Variants in ZNF385D observed in about 807,000 individuals in gnomAD.
ZNF385D encodes the protein zinc finger protein 385D.
In ZNF385D, 15 loss-of-function variants were observed where a neutral mutation model predicts 35.8. The ratio of observed to expected loss-of-function variants is 0.42; its 90% CI spans 0.28 to 0.64. The LOEUF is 0.64. Ranked by LOEUF, ZNF385D falls within the 30% of genes least tolerant of loss-of-function variation. ZNF385D has a pLI of 0.23. For missense variants in ZNF385D, 474 were observed against 494.6 expected (o/e 0.96, Z 0.39); for synonymous variants, 212 against 186.8 (o/e 1.13, Z -1.10).
chr3:22,160,649 A>T (rs1705886782), intron 3 of ZNF385D, among the ~76,000 whole-genome samples: 1 of 152,152 alleles, frequency 6.6e-6, no homozygotes, highest in Admixed American at 6.6e-5. Flanking sequence ...TAATGCTAGC[A>T]GCAAAGATAA....
chr3:21,813,274 G>C (rs1004952662), intron 3 of ZNF385D, among the ~76,000 whole-genome samples: 1 of 152,164 alleles, frequency 6.6e-6, no homozygotes, highest in Non-Finnish European at 1.5e-5. Flanking sequence ...AAAATTCTAA[G>C]AATCAGAGCA....
At chr3:21,823,724 T>C (rs1055524582) in intron 3 of ZNF385D, among the ~76,000 whole-genome samples, 1 of 152,164 alleles carries the variant, frequency 6.6e-6, no homozygotes, top group Non-Finnish European at 1.5e-5. Flanking sequence ...AGAAGGTATG[T>C]TTCCAAAGAA....
Position 21,413,736 on chromosome 3 carries a change from A to C in ZNF385D, c.*7478T>G, listed in dbSNP as rs1273016346. 1.3e-5 allele frequency: 2 copies of C among 152,096 alleles called. No homozygotes were observed. The highest frequency in any genetic ancestry group is 2.9e-5 in the Non-Finnish European group (2 of 67,990). 9.4% of individuals were successfully genotyped at this position (152,096 alleles called of 1,614,324 possible). The stretch of plus-strand genomic sequence containing the variant: ...AAACCATAGTCTATTTTTAATTTCA[A>C]AATAGTGCTCATGTTTGTGAACATT... On this transcript the variant is annotated 3_prime_UTR_variant, in exon 8 of 8. Coordinates refer to ENST00000281523, the MANE Select transcript of ZNF385D (RefSeq NM_024697.3).
chr3:21,709,656 T>A (rs2068030951), intron 1 of ZNF385D, among the ~76,000 whole-genome samples: 1 of 152,124 alleles, frequency 6.6e-6, no homozygotes. Flanking sequence ...CACATACTAG[T>A]TTTAGCAGAA....
intron 2 of ZNF385D, among the ~76,000 whole-genome samples, chr3:22,260,165 A>G (rs1209464274): frequency 6.6e-6 from 1 of 152,066 alleles, no homozygotes; most frequent in Non-Finnish European, 1.5e-5. Flanking sequence ...AACTGAAATA[A>G]TATTCTAATT....
At chr3:22,248,560 C>T (rs932576112) in intron 2 of ZNF385D, among the ~76,000 whole-genome samples, 5 of 145,288 alleles carry the variant, frequency 3.4e-5, no homozygotes, top group Admixed American at 6.9e-5. Flanking sequence ...ATTGACATTA[C>T]TTTTCAGGAG....
At chr3:21,558,691 G>C (rs1356420454) in intron 3 of ZNF385D, among the ~76,000 whole-genome samples, 1 of 151,832 alleles carries the variant, frequency 6.6e-6, no homozygotes, top group Non-Finnish European at 1.5e-5. Flanking sequence ...GCTGAGTTCT[G>C]AATATCTTTG....
intron 3 of ZNF385D, among the ~76,000 whole-genome samples, chr3:21,928,326 A>G (rs542457168): frequency 9.7e-5 from 13 of 134,510 alleles, no homozygotes; most frequent in Admixed American, 5.2e-4. Flanking sequence ...GGAGGAAGGA[A>G]GGAAGGAGGG....
At chr3:22,364,704 G>T (rs925003074) in intron 2 of ZNF385D, among the ~76,000 whole-genome samples, 1 of 152,088 alleles carries the variant, frequency 6.6e-6, no homozygotes, top group Admixed American at 6.6e-5. Context: ...CTAAGTATTA[G>T]AAGTATTATG....
At chr3:21,996,492 T>G (rs2125405616) in intron 3 of ZNF385D, among the ~76,000 whole-genome samples, 1 of 152,278 alleles carries the variant, frequency 6.6e-6, no homozygotes, top group South Asian at 2.1e-4. Context: ...TCCTTCTTTG[T>G]GGAAGAAATA....
chr3:21,970,173 C>T (rs571982), intron 3 of ZNF385D, among the ~76,000 whole-genome samples: 87,784 of 151,872 alleles, frequency 0.58, 27,023 homozygotes, highest in African/African-American at 0.81. Context: ...ACCAATAACA[C>T]TGACAAGCAT....
chr3:22,140,674 A>T (rs1331881096), intron 3 of ZNF385D, among the ~76,000 whole-genome samples: 1 of 152,086 alleles, frequency 6.6e-6, no homozygotes, highest in African/African-American at 2.4e-5. Flanking sequence ...GTACATGAAA[A>T]CTCCCTGTAT....
chr3:22,368,783 A>G (rs956407650), intron 2 of ZNF385D, among the ~76,000 whole-genome samples: 6 of 152,208 alleles, frequency 3.9e-5, no homozygotes, highest in Admixed American at 1.3e-4. Flanking sequence ...CTATCCCATT[A>G]AGGGCTAGGG....
intron 3 of ZNF385D, among the ~76,000 whole-genome samples, chr3:22,158,239 C>T (rs1705717783): frequency 6.6e-6 from 1 of 152,040 alleles, no homozygotes; most frequent in African/African-American, 2.4e-5. Flanking sequence ...TGCACACTAG[C>T]ATAAGTAAAT....
At chr3:22,364,202 AT>A (rs1167746521) in intron 2 of ZNF385D, among the ~76,000 whole-genome samples, 3 of 152,120 alleles carry the variant, frequency 2.0e-5, no homozygotes, top group African/African-American at 7.2e-5. Flanking sequence ...AGAATAAGCA[AT>A]GAGTTTTGGG....
intron 3 of ZNF385D, among the ~76,000 whole-genome samples, chr3:22,151,682 T>A (rs1576409034): frequency 6.6e-6 from 1 of 152,188 alleles, no homozygotes; most frequent in East Asian, 1.9e-4. Flanking sequence ...GTAAAACGTG[T>A]TTTACTCAAA....
chr3:21,522,234 C>T (rs1707953552), intron 3 of ZNF385D, among the ~76,000 whole-genome samples: 1 of 152,156 alleles, frequency 6.6e-6, no homozygotes, highest in Non-Finnish European at 1.5e-5. Context: ...TGAAGTGGGA[C>T]ATTTTATATG....
chr3:22,336,142 G>A (rs182419694), intron 2 of ZNF385D, among the ~76,000 whole-genome samples: 1 of 152,044 alleles, frequency 6.6e-6, no homozygotes, highest in Admixed American at 6.5e-5. Context: ...TTTTATTATT[G>A]GATAAGGCTC....
intron 3 of ZNF385D, among the ~76,000 whole-genome samples, chr3:22,081,585 T>C (rs1576284700): frequency 6.6e-6 from 1 of 152,178 alleles, no homozygotes; most frequent in South Asian, 2.1e-4. Flanking sequence ...GATAGACTGG[T>C]GTTTTAGATG....
Sources: allele counts gnomAD v4.1 joint callset (sites outside exome capture counted in the v4.1 genomes callset), GRCh38; gene constraint gnomAD v4.1.1; transcripts MANE v1.5; gene names NCBI Gene and HGNC (gene_info 2026-07-23, HGNC 2026-07-21).